Variants in SLC25A48 observed in about 807,000 individuals in gnomAD.
SLC25A48 encodes the protein solute carrier family 25 member 48.
A neutral mutation model predicts 32.2 loss-of-function variants in SLC25A48; 29 were observed. The ratio of observed to expected loss-of-function variants is 0.90; its 90% CI spans 0.67 to 1.23. The LOEUF is 1.23. SLC25A48 is among the 50% of genes most tolerant of loss of function. SLC25A48 has a pLI of 0.00. For synonymous variants in SLC25A48, 164 were observed against 172.3 expected (o/e 0.95, Z 0.38); for missense variants, 399 against 422.7 (o/e 0.94, Z 0.49).
chr5:135,810,621 T>C (rs1176774465), intron 3 of SLC25A48, among the ~76,000 whole-genome samples: 1 of 152,204 alleles, frequency 6.6e-6, no homozygotes, highest in Non-Finnish European at 1.5e-5. Flanking sequence ...CTCCTCTCTT[T>C]CTGCTCTGCC....
Position 135,781,127 on chromosome 5 carries a change from G to A in SLC25A48, c.-520-31396G>A, listed in dbSNP as rs531743290. On this transcript the variant is annotated intron_variant, in intron 3 of 10. Transcript: ENST00000646290. ...GTTAATACTTGCAACATTGCAGGGG[G>A]TGTATATCCCCCTGTGATATTGTTC... Among the ~76,000 whole-genome samples the A allele has an allele frequency of 6.4e-4, 74 of 116,048 alleles. 5 individuals are homozygous for A. The highest frequency in any genetic ancestry group is 1.8e-3 in the African/African-American group (67 of 38,270). 76.1% of individuals were successfully genotyped at this position (116,048 alleles called of 152,430 possible). A position where few individuals can be genotyped will look rare whatever the true frequency, so the allele number is the denominator to read the frequency against.
intron 3 of SLC25A48, among the ~76,000 whole-genome samples, chr5:135,791,461 T>G (rs1757029460): frequency 6.6e-6 from 1 of 151,790 alleles, no homozygotes. Context: ...GTGTACACCC[T>G]GTGATATTAT....
At chr5:135,830,874 G>A (rs937827756), upstream of SLC25A48, among the ~76,000 whole-genome samples, 5 of 152,144 alleles carry the variant, frequency 3.3e-5, no homozygotes, top group Admixed American at 6.5e-5. Context: ...TAGGTCAGAC[G>A]GGTCCTATCT....
At chr5:135,830,250 G>A (rs909849278), upstream of SLC25A48, among the ~76,000 whole-genome samples, 5 of 152,198 alleles carry the variant, frequency 3.3e-5, no homozygotes, top group East Asian at 1.9e-4. Context: ...TTTTCCGCCC[G>A]AGAGCCTCAA....
At chr5:135,614,527 A>G (rs560784904) in intron 1 of SLC25A48, among the ~76,000 whole-genome samples, 2 of 152,314 alleles carry the variant, frequency 1.3e-5, no homozygotes, top group South Asian at 4.2e-4. Flanking sequence ...GGTTTCTCAT[A>G]TATGACCTTT....
chr5:135,859,353 TACTC>T (rs1399147209), intron 4 of SLC25A48, among the ~76,000 whole-genome samples: 7 of 152,204 alleles, frequency 4.6e-5, no homozygotes, highest in East Asian at 1.9e-4. Context: ...TCATGAGACT[TACTC>T]ACTATCATGA....
intron 1 of SLC25A48, among the ~76,000 whole-genome samples, chr5:135,838,994 G>A (rs1580954864): frequency 6.6e-6 from 1 of 152,350 alleles, no homozygotes; most frequent in East Asian, 1.9e-4. Flanking sequence ...CAGAATGGTA[G>A]ATCCACTTAC....
intron 3 of SLC25A48, chr5:135,653,781 T>C (rs890057949): frequency 1.2e-4 from 54 of 456,136 alleles, no homozygotes; most frequent in African/African-American, 1.0e-3. Flanking sequence ...GCCATGTCCA[T>C]GATGGGTGGC....
At chr5:135,835,792 G>A (rs1285113546) in intron 1 of SLC25A48, among the ~76,000 whole-genome samples, 1 of 150,650 alleles carries the variant, frequency 6.6e-6, no homozygotes, top group Non-Finnish European at 1.5e-5. Flanking sequence ...AAAATAAGAT[G>A]AAAAGAACAA....
intron 3 of SLC25A48, among the ~76,000 whole-genome samples, chr5:135,688,546 A>G (rs1048480940): frequency 6.6e-6 from 1 of 152,264 alleles, no homozygotes; most frequent in Non-Finnish European, 1.5e-5. Flanking sequence ...TTGCAAAATA[A>G]CTTATTCCAT....
chr5:135,775,119 A>G (rs892441643), intron 3 of SLC25A48, among the ~76,000 whole-genome samples: 1 of 151,862 alleles, frequency 6.6e-6, no homozygotes, highest in African/African-American at 2.4e-5. Context: ...CATGGGGTGT[A>G]CACGCCATTT....
intron 3 of SLC25A48, among the ~76,000 whole-genome samples, chr5:135,757,041 TATATG>T (rs1365567167): frequency 6.7e-6 from 1 of 150,294 alleles, no homozygotes; most frequent in African/African-American, 2.4e-5. Flanking sequence ...ATAAAATATG[TATATG>T]ATATGATATC....
intron 3 of SLC25A48, among the ~76,000 whole-genome samples, chr5:135,761,776 G>T (rs1012908681): frequency 3.3e-5 from 5 of 152,270 alleles, no homozygotes; most frequent in African/African-American, 1.2e-4. Context: ...GGAGGAGGAG[G>T]GTCGGTGAGA....
At position 135,691,113 on chromosome 5, in the gene SLC25A48, C is replaced by T. The variant is rs141107142; in HGVS notation, c.-521+56157C>T. Among the ~76,000 whole-genome samples the T allele has an allele frequency of 5.7e-3, 869 of 152,270 alleles. 9 individuals carry two copies. Among genetic ancestry groups the T allele is most frequent in the African/African-American group, 0.019 (794 of 41,556 alleles). On this transcript the variant is annotated intron_variant, in intron 3 of 10. Transcript: ENST00000646290. Reference sequence around the variant, plus strand: ...ATCAAGTAATGAGCTTTCCGTTTCCCGTCACACATTCAGCGCTTCTCGATT... The same window carrying T: ...ATCAAGTAATGAGCTTTCCGTTTCCTGTCACACATTCAGCGCTTCTCGATT...
chr5:135,686,710 C>G (rs571801750), intron 3 of SLC25A48, among the ~76,000 whole-genome samples: 1 of 151,686 alleles, frequency 6.6e-6, no homozygotes, highest in Non-Finnish European at 1.5e-5. Context: ...GTTGGATGGA[C>G]AGCTAGATAG....
At chr5:135,728,213 G>C (rs1026429947) in intron 3 of SLC25A48, among the ~76,000 whole-genome samples, 1 of 149,344 alleles carries the variant, frequency 6.7e-6, no homozygotes, top group African/African-American at 2.5e-5. Context: ...CTGAGATCGC[G>C]CCACTGCACT....
At chr5:135,802,482 A>G (rs962504861) in intron 3 of SLC25A48, among the ~76,000 whole-genome samples, 5 of 151,282 alleles carry the variant, frequency 3.3e-5, no homozygotes, top group Non-Finnish European at 3.0e-5. Flanking sequence ...TACACCATAT[A>G]TGTACACTTT....
intron 3 of SLC25A48, among the ~76,000 whole-genome samples, chr5:135,717,282 C>T (rs1754825073): frequency 1.3e-5 from 2 of 152,202 alleles, no homozygotes; most frequent in Admixed American, 6.5e-5. Flanking sequence ...ACATTGCCTA[C>T]TCCCTCTGCC....
chr5:135,651,543 C>T (rs1203174082), intron 3 of SLC25A48, among the ~76,000 whole-genome samples: 2 of 152,190 alleles, frequency 1.3e-5, no homozygotes, highest in African/African-American at 2.4e-5. Context: ...ATCTTAATCC[C>T]AGCCCTAGTG....
Sources: gnomAD v4.1 joint callset for allele counts (sites outside exome capture counted in the v4.1 genomes callset) on GRCh38, gnomAD v4.1.1 for gene constraint, MANE v1.5 for transcripts, NCBI Gene and HGNC (gene_info 2026-07-23, HGNC 2026-07-21) for gene names.